Variants in CARF observed in about 807,000 individuals in gnomAD.
CARF encodes calcium-responsive transcription factor.
Under a neutral mutation model 82.0 loss-of-function variants are expected in CARF, and 57 were observed. The ratio of observed to expected loss-of-function variants is 0.70; its 90% CI spans 0.56 to 0.87. The LOEUF (loss-of-function observed/expected upper bound fraction) is 0.87. CARF is among the 40% of genes least tolerant of loss of function. The probability of loss-of-function intolerance (pLI) is 0.00; values close to 1 mark genes in which losing one functional copy is unlikely to be tolerated. For missense variants in CARF, 771 were observed against 855.8 expected, an observed-to-expected ratio of 0.90 and a Z score of 1.24; for synonymous variants, 268 against 290.1, an observed-to-expected ratio of 0.92 and a Z score of 0.77.
rs950408213 is a variant in CARF at position 202,986,402 on chromosome 2, T to G, written c.*2778T>G. ...CTACAGCAAAGTTTGACATGTTTTT[T>G]GTGTGTGTCATGTATTGTAAGTTGT... On this transcript the variant is annotated 3_prime_UTR_variant, in exon 17 of 17. Transcript: ENST00000438828. The G allele has an allele frequency of 3.9e-5, 6 of 152,178 alleles. No homozygotes were observed. The highest frequency in any genetic ancestry group is 2.0e-4 in the Admixed American group (3 of 15,282). The allele number at this position is 152,178 out of a possible 1,614,324, so 9.4% of individuals were successfully genotyped here.
At chr2:202,931,505 A>T (rs1169428875) in intron 3 of CARF, among the ~76,000 whole-genome samples, 1 of 152,120 alleles carries the variant, frequency 6.6e-6, no homozygotes, top group Non-Finnish European at 1.5e-5. Flanking sequence ...CAGCTGTATT[A>T]TGTTCCTTTG....
chr2:202,971,854 T>A, intron 12 of CARF, 116 bp downstream of exon 12: 1 of 574,176 alleles, frequency 1.7e-6, no homozygotes, highest in Non-Finnish European at 3.0e-6. Context: ...AGATAAGGAA[T>A]ATAGTTTATT....
chr2:202,954,979 A>C (rs1403261450), intron 7 of CARF, among the ~76,000 whole-genome samples: 1 of 151,556 alleles, frequency 6.6e-6, no homozygotes, highest in Non-Finnish European at 1.5e-5. Context: ...GTGCCACTGT[A>C]CTCCAGCCTG....
intron 4 of CARF, 57 bp from the exon 5 acceptor site, chr2:202,942,683 C>T: frequency 7.7e-7 from 1 of 1,304,510 alleles, no homozygotes; most frequent in Non-Finnish European, 1.0e-6. Context: ...TTTTATTATA[C>T]ACATCTTTAA....
Position 202,940,115 on chromosome 2 carries a change from C to G in CARF, c.-43-1745C>G, listed in dbSNP as rs575325801. On this transcript the variant is annotated intron_variant, in intron 3 of 16. Coordinates refer to ENST00000438828, the MANE Select transcript of CARF (RefSeq NM_024744.17). ...GTGGCGCCATCTCAGCTCACTGCAA[C>G]CTCCACCTCCTGGGTTTAAGCAATT... 1.2e-4 allele frequency among the ~76,000 whole-genome samples: 18 copies of G among 152,268 alleles called. No homozygotes were observed. In the South Asian group the frequency reaches 3.5e-3, roughly 30 times the overall value.
chr2:202,986,899 T>TAC lies in CARF; in HGVS notation c.*3276_*3277insCA, dbSNP rs1371634828. Reference sequence around the variant, plus strand: ...ATATATATATATATATATATATATATATATATATAGCAACTTGATGTATAG... The same window carrying TAC: ...ATATATATATATATATATATATATATACATATATATAGCAACTTGATGTATAG... On this transcript the variant is annotated 3_prime_UTR_variant, in exon 17 of 17. Coordinates refer to ENST00000438828, the MANE Select transcript of CARF (RefSeq NM_024744.17). 3.3e-4 allele frequency: 45 copies of TAC among 138,034 alleles called. No homozygotes were observed. The highest frequency in any genetic ancestry group is 6.2e-4 in the East Asian group (3 of 4,828). The allele number at this position is 138,034 out of a possible 1,614,324, so 8.6% of individuals were successfully genotyped here. A position where few individuals can be genotyped will look rare whatever the true frequency, so the allele number is the denominator to read the frequency against.
Position 202,955,854 on chromosome 2 carries a change from T to C in CARF, c.642+96T>C. The C allele has an allele frequency of 7.0e-6, 5 of 717,388 alleles. No individual in the cohort carries two copies. In the South Asian group the frequency reaches 1.1e-4, roughly 15 times the overall value. The allele number at this position is 717,388 out of a possible 1,614,324, so 44.4% of individuals were successfully genotyped here. ...TTTTGAGTACAACTAATATAGTCTATAGTTACAGTATTTTGTTTGTGTTTA... is the reference window on the plus strand; with the variant it reads ...TTTTGAGTACAACTAATATAGTCTACAGTTACAGTATTTTGTTTGTGTTTA... On this transcript the variant is annotated intron_variant, in intron 8 of 16. Coordinates refer to ENST00000438828, the MANE Select transcript of CARF (RefSeq NM_024744.17).
Position 202,941,998 on chromosome 2 carries a change from A to T in CARF, c.78+18A>T. ...TATTTGAGGTATGGATTCAGCTGGG[A>T]ACCTTTTTCCATCCTAGGGTAAAAC... On this transcript the variant is annotated intron_variant, in intron 4 of 16. Coordinates refer to ENST00000438828, the MANE Select transcript of CARF (RefSeq NM_024744.17). 1 of 1,602,658 alleles carries T rather than the reference A, an allele frequency of 6.2e-7. No individual in the cohort carries two copies. Among genetic ancestry groups the T allele is most frequent in the South Asian group, 1.1e-5 (1 of 90,784 alleles).
intron 3 of CARF, 138 bp downstream of exon 3, chr2:202,924,553 A>G (rs1283393712): frequency 6.6e-6 from 1 of 152,084 alleles, no homozygotes; most frequent in Non-Finnish European, 1.5e-5. Context: ...ATAGCTTCTC[A>G]GCTCCATCTC....
intron 14 of CARF, among the ~76,000 whole-genome samples, chr2:202,980,662 A>ATATATATATATATATAT (rs2060223733): frequency 8.7e-6 from 1 of 115,044 alleles, no homozygotes; most frequent in Non-Finnish European, 1.8e-5. Context: ...ATATATATAT[A>ATATATATATATATATAT]GTTGTGCCTC....
intron 3 of CARF, among the ~76,000 whole-genome samples, chr2:202,927,664 A>G (rs1316839644): frequency 6.6e-6 from 1 of 152,160 alleles, no homozygotes; most frequent in South Asian, 2.1e-4. Flanking sequence ...CATCATCTCA[A>G]ACATTTTTCA....
In CARF at chr2:202,949,150, A is replaced by G. The variant is rs942250653; in HGVS notation, c.307-3409A>G. 2.6e-5 allele frequency among the ~76,000 whole-genome samples: 4 copies of G among 152,250 alleles called. No individual in the cohort carries two copies. In the South Asian group the frequency reaches 8.3e-4, roughly 32 times the overall value. On this transcript the variant is annotated intron_variant, in intron 5 of 16. Coordinates refer to ENST00000438828, the MANE Select transcript of CARF (RefSeq NM_024744.17). ...GGAGTCCGAGACTAGACTGGTCAACATAGTAAAACCCCATTTCTACTAAAA... is the reference window on the plus strand; with the variant it reads ...GGAGTCCGAGACTAGACTGGTCAACGTAGTAAAACCCCATTTCTACTAAAA...
At chr2:202,936,339 G>A (rs1444733645) in intron 3 of CARF, among the ~76,000 whole-genome samples, 1 of 152,024 alleles carries the variant, frequency 6.6e-6, no homozygotes, top group Non-Finnish European at 1.5e-5. Flanking sequence ...AGAATTTACT[G>A]ACAGTTCATT....
intron 9 of CARF, 42 bp from the exon 10 acceptor site, chr2:202,966,936 T>C: frequency 6.2e-7 from 1 of 1,602,776 alleles, no homozygotes; most frequent in South Asian, 1.1e-5. Context: ...CTAGAATAGA[T>C]GGACACTTGA....
At chr2:202,976,364 G>A (rs763577232) in intron 13 of CARF, among the ~76,000 whole-genome samples, 10 of 151,850 alleles carry the variant, frequency 6.6e-5, no homozygotes, top group Admixed American at 2.0e-4. Context: ...TATTAGAGAC[G>A]GGTTTCACCA....
At chr2:202,917,810 A>G in intron 1 of CARF, 67 bp from the exon 2 acceptor site, 2 of 215,136 alleles carry the variant, frequency 9.3e-6, no homozygotes, top group South Asian at 1.3e-4. Context: ...AACCTGCATA[A>G]CAAAAAGTAA....
intron 8 of CARF, among the ~76,000 whole-genome samples, chr2:202,960,528 AC>A (rs1279150339): frequency 1.3e-5 from 2 of 151,998 alleles, no homozygotes; most frequent in African/African-American, 4.8e-5. Flanking sequence ...GGGATTACAG[AC>A]ATGAGCCACT....
Position 202,943,067 on chromosome 2 carries a change from GTTTA to G in CARF, c.306+116_306+119del, listed in dbSNP as rs924234521. Reference sequence around the variant, plus strand: ...TCTTGACACTTTTGACTTACATTGTGTTTATTTATTTATTTATTTTTGAGATGGA... The same window carrying G: ...TCTTGACACTTTTGACTTACATTGTGTTTATTTATTTATTTTTGAGATGGA... On this transcript the variant is annotated intron_variant, in intron 5 of 16. Coordinates refer to ENST00000438828, the MANE Select transcript of CARF (RefSeq NM_024744.17). The G allele has an allele frequency of 1.3e-4, 121 of 905,560 alleles. 1 individual carries two copies. Among genetic ancestry groups the G allele is most frequent in the Middle Eastern group, 2.3e-4 (1 of 4,394 alleles). The allele number at this position is 905,560 out of a possible 1,614,324, so 56.1% of individuals were successfully genotyped here. A position where few individuals can be genotyped will look rare whatever the true frequency, so the allele number is the denominator to read the frequency against.
At chr2:202,953,799 T>G (rs2058885586) in intron 6 of CARF, among the ~76,000 whole-genome samples, 1 of 152,128 alleles carries the variant, frequency 6.6e-6, no homozygotes, top group Non-Finnish European at 1.5e-5. Flanking sequence ...CAATATAAAT[T>G]CTAAAAATTA....
Sources: allele counts gnomAD v4.1 joint callset (sites outside exome capture counted in the v4.1 genomes callset), GRCh38; gene constraint gnomAD v4.1.1; transcripts MANE v1.5; gene names NCBI Gene and HGNC (gene_info 2026-07-23, HGNC 2026-07-21).